DNAH10: variants seen among roughly 807,000 people sequenced by gnomAD.
The protein encoded by DNAH10 is axonemal beta dynein heavy chain 10.
A neutral mutation model predicts 506.6 loss-of-function variants in DNAH10; 348 were observed. The ratio of observed to expected loss-of-function variants is 0.69; its 90% confidence interval spans 0.63 to 0.75. The LOEUF (loss-of-function observed/expected upper bound fraction) is 0.75. Among genes scored for constraint, DNAH10 ranks in the 30% least tolerant of loss-of-function variants. The pLI is 0.00. For synonymous variants in DNAH10, 2,059 were observed against 2,198.6 expected (o/e 0.94, Z 1.78); for missense variants, 5,179 against 5,787.1 (o/e 0.89, Z 3.41).
chr12:123,873,842 C>A, intron 46 of DNAH10, 132 bp downstream of exon 46: 1 of 1,238,554 alleles, frequency 8.1e-7, no homozygotes, highest in Middle Eastern at 2.2e-4. Context: ...AGGGTACAGG[C>A]TGCGGGGAGC....
intron 66 of DNAH10, 77 bp downstream of exon 66, chr12:123,923,944 C>T (rs1594394500): frequency 1.8e-6 from 2 of 1,092,808 alleles, no homozygotes; most frequent in Non-Finnish European, 2.6e-6. Context: ...TCTGTTGAAA[C>T]AAACAATAAC....
chr12:123,762,809 C>T lies in DNAH10; in HGVS notation c.214+259C>T, dbSNP rs1956878254. On this transcript the variant is annotated intron_variant, in intron 1 of 78. Coordinates refer to ENST00000673944, the MANE Select transcript of DNAH10 (RefSeq NM_001372106.1). This position sits in a 1 kb window ranked among gnomAD's most constrained non-coding sequence, Gnocchi z 5.0. ...CAGCAAACACTGACTTAGCCCGCAC[C>T]CCGTGCCAGGTGCGGTTCCAACGCT... Among the ~76,000 whole-genome samples the T allele has an allele frequency of 6.6e-6, 1 of 152,238 alleles. No individual in the cohort carries two copies. The highest frequency in any genetic ancestry group is 1.5e-5 in the Non-Finnish European group (1 of 68,038).
chr12:123,881,545 A>G, intron 50 of DNAH10, 80 bp from the exon 51 acceptor site: 1 of 1,337,422 alleles, frequency 7.5e-7, no homozygotes, highest in Non-Finnish European at 1.0e-6. Context: ...TAGATTCTGG[A>G]TATTAGCCCT....
chr12:123,796,674 A>G lies in DNAH10; in HGVS notation c.2005A>G (p.Ile669Val). 6.2e-7 allele frequency: 1 copy of G among 1,607,310 alleles called. No homozygotes were observed. The highest frequency in any genetic ancestry group is 1.7e-4 in the Middle Eastern group (1 of 6,034). ...TTTTCAGATTGACATCATTAATAAA[A>G]TCTTTGTCCAGAACCTTGAAAATCC... The part of the protein sequence containing the change: ...YCKEIDIINK[I>V]FVQNLENPPL... The change falls in exon 13 of 79, where the codon ATC becomes GTC. Residue 669 changes from isoleucine (I) to valine (V), a missense_variant. Physicochemically the swap from Ile to Val is conservative, Grantham distance 29 (BLOSUM62 3). Coordinates refer to ENST00000673944, the MANE Select transcript of DNAH10 (RefSeq NM_001372106.1).
At chr12:123,835,034 C>T (rs749704211) in intron 27 of DNAH10, among the ~76,000 whole-genome samples, 8 of 152,174 alleles carry the variant, frequency 5.3e-5, no homozygotes, top group Non-Finnish European at 1.0e-4. Flanking sequence ...TGGGTCAATA[C>T]CTAGGAGCGG....
Position 123,838,488 on chromosome 12 carries a change from C to A in DNAH10, c.4935C>A (p.Ile1645=), listed in dbSNP as rs201989330. The change falls in exon 29 of 79, where the codon ATC becomes ATA. Residue 1645 remains isoleucine (I), a synonymous_variant. Transcript: ENST00000673944. ...GTGAGACCTTAAAAGACCCCGTGATCAAGAGGTGCTGTGAAGCCCCAAACC... is the reference window on the plus strand; with the variant it reads ...GTGAGACCTTAAAAGACCCCGTGATAAAGAGGTGCTGTGAAGCCCCAAACC... ...IMGETLKDPV[I]KRCCEAPNRL... 1 of 1,613,952 alleles carries A rather than the reference C, an allele frequency of 6.2e-7. No homozygotes were observed. The highest frequency in any genetic ancestry group is 8.5e-7 in the Non-Finnish European group (1 of 1,179,880).
Position 123,847,255 on chromosome 12 carries a change from TATCTATCTATCC to T in DNAH10, c.5815-702_5815-691del, listed in dbSNP as rs1335131368. ...CTATCTATCTATCTATCTATCTATC[TATCTATCTATCC>T]ATCCATCCATCCTGTCTATTTATCA... On this transcript the variant is annotated intron_variant, in intron 32 of 78. Coordinates refer to ENST00000673944, the MANE Select transcript of DNAH10 (RefSeq NM_001372106.1). Among the ~76,000 whole-genome samples, 642 of 140,178 alleles carry T rather than the reference TATCTATCTATCC, an allele frequency of 4.6e-3. 2 individuals are homozygous for T. Among genetic ancestry groups the T allele is most frequent in the African/African-American group, 0.011 (388 of 36,712 alleles). The allele number at this position is 140,178 out of a possible 152,430, so 92.0% of individuals were successfully genotyped here. A position where few individuals can be genotyped will look rare whatever the true frequency, so the allele number is the denominator to read the frequency against.
rs780968561 is a variant in DNAH10, at chr12:123,805,052, T to C, written c.2987+12T>C. 1 of 1,613,464 alleles carries C rather than the reference T, an allele frequency of 6.2e-7. No individual in the cohort carries two copies. The highest frequency in any genetic ancestry group is 1.1e-5 in the South Asian group (1 of 91,058). ...AAGCTCATCCTGAAGTAAGTTCATC[T>C]TGTTGCATGCTTTAAAATGGTGTGT... On this transcript the variant is annotated intron_variant, in intron 18 of 78. Transcript: ENST00000673944.
Position 123,917,930 on chromosome 12 carries a change from A to T in DNAH10, c.11232+117A>T. 1.8e-6 allele frequency: 2 copies of T among 1,134,636 alleles called. No homozygotes were observed. The highest frequency in any genetic ancestry group is 2.5e-6 in the Non-Finnish European group (2 of 798,406). The allele number at this position is 1,134,636 out of a possible 1,614,324, so 70.3% of individuals were successfully genotyped here. A position where few individuals can be genotyped will look rare whatever the true frequency, so the allele number is the denominator to read the frequency against. ...GGGCTCTGTGATCTCAGGGCTAAAA[A>T]CCCACCTCTATTGGGATGTGCTGTG... On this transcript the variant is annotated intron_variant, in intron 64 of 78. Transcript: ENST00000673944. This position sits in a 1 kb window ranked among gnomAD's most constrained non-coding sequence, Gnocchi z 5.6.
intron 52 of DNAH10, among the ~76,000 whole-genome samples, chr12:123,888,660 C>G (rs1380269044): frequency 6.6e-6 from 1 of 152,064 alleles, no homozygotes. Context: ...GAGTCGGTGT[C>G]TGTATTTCTT....
chr12:123,899,418 G>A (rs1953413971), intron 56 of DNAH10, among the ~76,000 whole-genome samples: 1 of 152,092 alleles, frequency 6.6e-6, no homozygotes, highest in Admixed American at 6.6e-5. Context: ...CCAGATTCCT[G>A]CAGATGCCGC....
chr12:123,851,480 T>A (rs535014012), intron 35 of DNAH10, among the ~76,000 whole-genome samples: 1 of 152,308 alleles, frequency 6.6e-6, no homozygotes, highest in African/African-American at 2.4e-5. Flanking sequence ...TCTTTTTAAA[T>A]TATAACTTTT....
rs1950654593 is a variant in DNAH10 at position 123,838,650 on chromosome 12, G to A, written c.5097G>A (p.Gly1699=). 1 of 1,613,856 alleles carries A rather than the reference G, an allele frequency of 6.2e-7. No homozygotes were observed. Among genetic ancestry groups the A allele is most frequent in the African/African-American group, 1.3e-5 (1 of 74,936 alleles). The change falls in exon 29 of 79, where the codon GGG becomes GGA. Residue 1699 remains glycine, a synonymous_variant. Transcript: ENST00000673944. ...ISDDELLSIL[G]SSDPLCVQEH... is the part of the protein sequence containing the mutation. ...ACGATGAGTTGCTTAGCATTCTGGG[G>A]AGCAGCGACCCACTCTGCGTCCAGG...
chr12:123,854,099 G>A (rs1252578482), intron 36 of DNAH10, among the ~76,000 whole-genome samples: 3 of 140,796 alleles, frequency 2.1e-5, no homozygotes, highest in East Asian at 2.1e-4. Flanking sequence ...TGGAGGGGTC[G>A]AAGGAAGAGT....
chr12:123,913,328 C>G lies in DNAH10; in HGVS notation c.10352+13C>G, dbSNP rs1217745502. On this transcript the variant is annotated intron_variant, in intron 60 of 78. Coordinates refer to ENST00000673944, the MANE Select transcript of DNAH10 (RefSeq NM_001372106.1). The surrounding 1 kb of genome is among the most constrained non-coding windows in gnomAD (Gnocchi z 5.1). ...CAGAAAACATCAGGTTAGCGCTGCTCACGAGCCCACCTGTTGCGGTTTGTA... is the reference window on the plus strand; with the variant it reads ...CAGAAAACATCAGGTTAGCGCTGCTGACGAGCCCACCTGTTGCGGTTTGTA... 4.5e-6 allele frequency: 7 copies of G among 1,567,250 alleles called. 1 individual carries two copies. The South Asian group carries it at 8.2e-5, about 18-fold the overall frequency.
At chr12:123,921,311 G>A (rs1004809602) in intron 65 of DNAH10, among the ~76,000 whole-genome samples, 9 of 152,196 alleles carry the variant, frequency 5.9e-5, no homozygotes, top group Non-Finnish European at 1.2e-4. Flanking sequence ...GAAGGCTGTC[G>A]ATTTCAGCAT....
chr12:123,819,676 A>T (rs922070394), intron 23 of DNAH10, among the ~76,000 whole-genome samples: 1 of 151,100 alleles, frequency 6.6e-6, no homozygotes, highest in Non-Finnish European at 1.5e-5. Context: ...TAAAATGGTG[A>T]CAAGTTAAAA....
At position 123,861,088 on chromosome 12, in the gene DNAH10, C is replaced by G. The variant is rs1338875813; in HGVS notation, c.6826C>G (p.Pro2276Ala). ...CATAGAACTCTACGGCATCCTGGAC[C>G]CAACCACCCGAGACTGGACAGATGG... is the stretch of plus-strand genomic sequence containing the variant. ...SVIELYGILD[P>A]TTRDWTDGVL... The change falls in exon 39 of 79, where the codon CCA becomes GCA. Residue 2276 changes from proline (P) to alanine (A), a missense_variant. Around this residue, in one of 3 missense-constraint regions of DNAH10, gnomAD observed 4,844 missense variants for 5,430.5 expected, o/e 0.89. Coordinates refer to ENST00000673944, the MANE Select transcript of DNAH10 (RefSeq NM_001372106.1). 4 of 1,613,876 alleles carry G rather than the reference C, an allele frequency of 2.5e-6. No homozygotes were observed. Among genetic ancestry groups the G allele is most frequent in the Non-Finnish European group, 2.5e-6 (3 of 1,179,888 alleles).
Position 123,807,059 on chromosome 12 carries a change from C to T in DNAH10, c.2988-1738C>T, listed in dbSNP as rs192827755. On this transcript the variant is annotated intron_variant, in intron 18 of 78. Transcript: ENST00000673944. Reference sequence around the variant, plus strand: ...CTGGGATTACAGGCGTGAGCCACCGCGCCTGGCCCTGCTATGTTTTCTTTT... The same window carrying T: ...CTGGGATTACAGGCGTGAGCCACCGTGCCTGGCCCTGCTATGTTTTCTTTT... Among the ~76,000 whole-genome samples, 946 of 152,306 alleles carry T rather than the reference C, an allele frequency of 6.2e-3. 19 individuals carry two copies. Among genetic ancestry groups the T allele is most frequent in the African/African-American group, 0.021 (880 of 41,566 alleles).
Sources: gnomAD v4.1 joint callset for allele counts (sites outside exome capture counted in the v4.1 genomes callset) on GRCh38, gnomAD v4.1.1 for gene constraint, gnomAD v4.1.1 regional missense constraint, Gnocchi (gnomAD v3.1) non-coding constraint, MANE v1.5 for transcripts, NCBI Gene and HGNC (gene_info 2026-07-23, HGNC 2026-07-21) for gene names.